Variants in ROBO2 observed in about 807,000 individuals in gnomAD.
ROBO2 encodes roundabout guidance receptor 2.
ROBO2 carries 53 observed loss-of-function variants against 160.8 expected under a neutral mutation model. That is an observed-to-expected ratio of 0.33 (90% CI 0.26 to 0.41). The LOEUF is 0.41. Among genes scored for constraint, ROBO2 ranks in the 10% least tolerant of loss-of-function variants. The probability of loss-of-function intolerance (pLI) is 1.00; values close to 1 mark genes in which losing one functional copy is unlikely to be tolerated. For missense variants in ROBO2, 1,577 were observed against 1,722.4 expected, an observed-to-expected ratio of 0.92 and a Z score of 1.49; for synonymous variants, 664 against 611.7, an observed-to-expected ratio of 1.09 and a Z score of -1.26.
At chr3:76,283,780 T>C (rs1050894734) in intron 2 of ROBO2, among the ~76,000 whole-genome samples, 4 of 151,968 alleles carry the variant, frequency 2.6e-5, no homozygotes, top group Non-Finnish European at 5.9e-5. Flanking sequence ...GAGCCCGTGT[T>C]TGGGGTTATT....
chr3:75,922,195 A>G (rs979541435), intron 1 of ROBO2, among the ~76,000 whole-genome samples: 2 of 152,174 alleles, frequency 1.3e-5, no homozygotes, highest in Non-Finnish European at 2.9e-5. Flanking sequence ...ATAATTGGCT[A>G]TATGTATTTT....
chr3:77,217,389 T>A (rs1424732777), intron 2 of ROBO2, among the ~76,000 whole-genome samples: 1 of 152,078 alleles, frequency 6.6e-6, no homozygotes, highest in Admixed American at 6.6e-5. Flanking sequence ...GTGATCTACC[T>A]GCCTCGGCCT....
At chr3:77,469,747 A>G (rs971218557) in intron 2 of ROBO2, among the ~76,000 whole-genome samples, 2 of 152,166 alleles carry the variant, frequency 1.3e-5, no homozygotes, top group African/African-American at 4.8e-5. Context: ...AACAATTCAA[A>G]TTGTTCTTCA....
At chr3:76,219,658 A>C (rs945516253) in intron 2 of ROBO2, among the ~76,000 whole-genome samples, 2 of 152,218 alleles carry the variant, frequency 1.3e-5, no homozygotes, top group Non-Finnish European at 2.9e-5. Context: ...AATGGCAATC[A>C]TTAAAAAGTC....
At chr3:76,626,163 A>G (rs1327268940) in intron 2 of ROBO2, among the ~76,000 whole-genome samples, 1 of 152,208 alleles carries the variant, frequency 6.6e-6, no homozygotes, top group Non-Finnish European at 1.5e-5. Context: ...TGGGGTCACC[A>G]TGTATTGAAA....
intron 2 of ROBO2, among the ~76,000 whole-genome samples, chr3:76,103,445 C>G: frequency 6.6e-6 from 1 of 152,302 alleles, no homozygotes; most frequent in East Asian, 1.9e-4. Context: ...TAGTTGGAGT[C>G]TGCAACGCAC....
chr3:77,326,513 C>A (rs376012966), intron 2 of ROBO2, among the ~76,000 whole-genome samples: 3 of 152,142 alleles, frequency 2.0e-5, no homozygotes, highest in African/African-American at 4.8e-5. Flanking sequence ...TTTGTATATC[C>A]ATTGATCTTG....
intron 2 of ROBO2, among the ~76,000 whole-genome samples, chr3:77,318,194 C>A (rs1383595781): frequency 1.3e-5 from 2 of 151,804 alleles, no homozygotes; most frequent in African/African-American, 4.8e-5. Context: ...ATCACAGGCA[C>A]CTGCTATTTT....
intron 2 of ROBO2, among the ~76,000 whole-genome samples, chr3:77,450,794 T>G (rs148980926): frequency 6.6e-6 from 1 of 152,134 alleles, no homozygotes; most frequent in East Asian, 1.9e-4. Context: ...GAAAATGTCT[T>G]TGTTAGGTAT....
intron 2 of ROBO2, among the ~76,000 whole-genome samples, chr3:76,813,872 T>A (rs367798583): frequency 6.6e-6 from 1 of 152,110 alleles, no homozygotes; most frequent in East Asian, 1.9e-4. Context: ...TGTAAACATG[T>A]TTAAAAGATA....
intron 2 of ROBO2, among the ~76,000 whole-genome samples, chr3:77,175,890 G>A (rs1332928931): frequency 2.6e-5 from 4 of 151,988 alleles, no homozygotes; most frequent in African/African-American, 7.2e-5. Flanking sequence ...TTTTGGAAAC[G>A]TCATTCTGTA....
At chr3:76,764,487 A>G (rs371895646) in intron 2 of ROBO2, among the ~76,000 whole-genome samples, 38 of 151,856 alleles carry the variant, frequency 2.5e-4, no homozygotes, top group East Asian at 1.6e-3. Flanking sequence ...GAGTTACAGT[A>G]TTAATATTAA....
At chr3:77,005,206 G>C (rs1360355321) in intron 2 of ROBO2, among the ~76,000 whole-genome samples, 1 of 152,060 alleles carries the variant, frequency 6.6e-6, no homozygotes, top group Non-Finnish European at 1.5e-5. Context: ...CTCTATGGCC[G>C]CCGCCTTGCT....
chr3:77,056,876 C>A (rs897685836), intron 1 of ROBO2, among the ~76,000 whole-genome samples: 2 of 152,104 alleles, frequency 1.3e-5, no homozygotes, highest in South Asian at 4.2e-4. Flanking sequence ...AAACATATGT[C>A]TATGCACACG....
intron 2 of ROBO2, among the ~76,000 whole-genome samples, chr3:77,449,647 G>C (rs935964161): frequency 6.6e-6 from 1 of 152,218 alleles, no homozygotes; most frequent in East Asian, 1.9e-4. Context: ...GACAGAAACA[G>C]CACTGCAGTT....
chr3:75,990,517 T>C (rs186178274), intron 2 of ROBO2, among the ~76,000 whole-genome samples: 1 of 152,290 alleles, frequency 6.6e-6, no homozygotes, highest in Admixed American at 6.5e-5. Context: ...TCAATTTAAT[T>C]TTGCCTAGGG....
intron 2 of ROBO2, among the ~76,000 whole-genome samples, chr3:75,947,397 G>T (rs892043971): frequency 6.6e-6 from 1 of 152,026 alleles, no homozygotes; most frequent in African/African-American, 2.4e-5. Flanking sequence ...CCTGCTGCCT[G>T]TTTTTGTATG....
At chr3:76,452,292 G>A (rs756220589) in intron 2 of ROBO2, among the ~76,000 whole-genome samples, 8 of 151,796 alleles carry the variant, frequency 5.3e-5, no homozygotes, top group Non-Finnish European at 7.4e-5. Context: ...TCATCATTTA[G>A]CATTAGGTGT....
chr3:77,346,874 G>A (rs2067708413), intron 2 of ROBO2, among the ~76,000 whole-genome samples: 1 of 152,078 alleles, frequency 6.6e-6, no homozygotes, highest in African/African-American at 2.4e-5. Context: ...TCTCCCTTCT[G>A]GCAGAGAAGT....
Sources: allele counts gnomAD v4.1 joint callset (sites outside exome capture counted in the v4.1 genomes callset), GRCh38; gene constraint gnomAD v4.1.1; transcripts MANE v1.5; gene names NCBI Gene and HGNC (gene_info 2026-07-23, HGNC 2026-07-21).